The following ACVR1 variants were observed in gnomAD, a reference collection of about 807,000 sequenced individuals.
The protein encoded by ACVR1 is activin receptor type-1.
Under a neutral mutation model 57.1 loss-of-function variants are expected in ACVR1, and 38 were observed. The ratio of observed to expected loss-of-function variants is 0.67; its 90% CI spans 0.51 to 0.87. The LOEUF is 0.87. Ranked by LOEUF, ACVR1 falls within the 40% of genes least tolerant of loss-of-function variation. ACVR1 has a pLI of 0.00. For synonymous variants in ACVR1, 212 were observed against 228.1 expected (o/e 0.93, Z 0.63); for missense variants, 463 against 638.2 (o/e 0.73, Z 2.96).
chr2:157,859,190 TA>T (rs1160483034), intron 1 of ACVR1, among the ~76,000 whole-genome samples: 1 of 152,062 alleles, frequency 6.6e-6, no homozygotes, highest in Non-Finnish European at 1.5e-5. Flanking sequence ...ACCTCACTGA[TA>T]AAACAGGTTG....
In ACVR1 at chr2:157,855,279, T is replaced by A. The variant is rs1464374448; in HGVS notation, c.-183+20517A>T. 8.7e-4 allele frequency among the ~76,000 whole-genome samples: 44 copies of A among 50,524 alleles called. No homozygotes were observed. The South Asian group carries it at 0.014, about 16-fold the overall frequency. The allele number at this position is 50,524 out of a possible 152,430, so 33.1% of individuals were successfully genotyped here. On this transcript the variant is annotated intron_variant, in intron 1 of 10. Transcript: ENST00000434821. ...AAAAAAAAAAAAAAAAGTGTGTGTGTGTGTGTGTGTGTGTGTGTGTGTGTG... is the reference window on the plus strand; with the variant it reads ...AAAAAAAAAAAAAAAAGTGTGTGTGAGTGTGTGTGTGTGTGTGTGTGTGTG...
Position 157,737,608 on chromosome 2 carries a change from T to G in ACVR1, c.1453A>C (p.Arg485=), listed in dbSNP as rs753003651. 3 of 1,614,044 alleles carry G rather than the reference T, an allele frequency of 1.9e-6. No individual in the cohort carries two copies. The East Asian group carries it at 6.7e-5, about 36-fold the overall frequency. Residue 485 remains arginine, a synonymous_variant, in exon 11 of 11, where the codon AGA becomes CGA. Coordinates refer to ENST00000434821, the MANE Select transcript of ACVR1 (RefSeq NM_001111067.4). ...KECWYQNPSA[R]LTALRIKKTL... ...TTTTTGATACGCAGTGCTGTGAGTC[T>G]TGCGGATGGATTTTGATACCAGCAT...
intron 2 of ACVR1, among the ~76,000 whole-genome samples, chr2:157,813,017 A>G (rs1413709235): frequency 6.6e-6 from 1 of 152,190 alleles, no homozygotes; most frequent in Non-Finnish European, 1.5e-5. Context: ...TTCACTAATG[A>G]AGTCTATACA....
rs184484739 is a variant in ACVR1, at chr2:157,850,550, G to A, written c.-183+25246C>T. Among the ~76,000 whole-genome samples, 449 of 152,230 alleles carry A rather than the reference G, an allele frequency of 2.9e-3. 2 individuals are homozygous for A. Among genetic ancestry groups the A allele is most frequent in the African/African-American group, 0.01 (417 of 41,526 alleles). The stretch of plus-strand genomic sequence containing the variant: ...AAGATTAACCCAGTTTCCTTTTCTC[G>A]TTAAGATTCCTAAGCTGGCAGTTCA... On this transcript the variant is annotated intron_variant, in intron 1 of 10. Transcript: ENST00000434821.
chr2:157,867,885 G>A (rs1689992878), intron 1 of ACVR1, among the ~76,000 whole-genome samples: 1 of 152,038 alleles, frequency 6.6e-6, no homozygotes, highest in South Asian at 2.1e-4. Context: ...TATAAAATGG[G>A]CATTAGAGCA....
At chr2:157,781,276 T>G (rs1474850613) in intron 3 of ACVR1, among the ~76,000 whole-genome samples, 1 of 152,228 alleles carries the variant, frequency 6.6e-6, no homozygotes, top group Admixed American at 6.5e-5. Context: ...AATGAGCATT[T>G]CTATTGAGCA....
chr2:157,784,876 G>A (rs1686658904), intron 3 of ACVR1, among the ~76,000 whole-genome samples: 1 of 152,186 alleles, frequency 6.6e-6, no homozygotes, highest in African/African-American at 2.4e-5. Flanking sequence ...GAACATCGTG[G>A]ACTTTTAAAA....
At chr2:157,800,946 A>G (rs1687302527) in intron 2 of ACVR1, among the ~76,000 whole-genome samples, 1 of 151,970 alleles carries the variant, frequency 6.6e-6, no homozygotes, top group South Asian at 2.1e-4. Flanking sequence ...TTCCGGCTCA[A>G]AGGTAAGCCC....
chr2:157,816,906 A>G (rs902406607), intron 2 of ACVR1, among the ~76,000 whole-genome samples: 1 of 152,096 alleles, frequency 6.6e-6, no homozygotes, highest in African/African-American at 2.4e-5. Flanking sequence ...GTAGGTATTC[A>G]TATTACCCCC....
chr2:157,794,885 CAA>C (rs34984648), intron 3 of ACVR1, among the ~76,000 whole-genome samples: 3 of 138,798 alleles, frequency 2.2e-5, no homozygotes, highest in African/African-American at 5.3e-5. Flanking sequence ...CAAACTCTAC[CAA>C]AAAAAAAAAA....
intron 9 of ACVR1, among the ~76,000 whole-genome samples, chr2:157,757,763 T>C (rs1685490554): frequency 6.6e-6 from 1 of 151,914 alleles, no homozygotes; most frequent in African/African-American, 2.4e-5. Flanking sequence ...GGAAATGCTA[T>C]ATCTGGGTGA....
At chr2:157,858,360 A>G (rs776668413) in intron 1 of ACVR1, among the ~76,000 whole-genome samples, 2 of 151,930 alleles carry the variant, frequency 1.3e-5, no homozygotes, top group Non-Finnish European at 2.9e-5. Context: ...TCTCTCAGGA[A>G]ATTCTGATCC....
At chr2:157,792,980 C>T (rs1686977055) in intron 3 of ACVR1, among the ~76,000 whole-genome samples, 1 of 152,156 alleles carries the variant, frequency 6.6e-6, no homozygotes, top group Admixed American at 6.5e-5. Flanking sequence ...TCATCCCGGG[C>T]TGCAGAGGAA....
intron 9 of ACVR1, among the ~76,000 whole-genome samples, chr2:157,748,754 A>C (rs529983116): frequency 1.3e-5 from 2 of 152,328 alleles, no homozygotes; most frequent in East Asian, 1.9e-4. Flanking sequence ...TATTAGGAAA[A>C]AAAACCACCT....
At chr2:157,867,849 CCTCT>C (rs1313394036) in intron 1 of ACVR1, among the ~76,000 whole-genome samples, 1 of 152,106 alleles carries the variant, frequency 6.6e-6, no homozygotes, top group African/African-American at 2.4e-5. Context: ...ATTCATATCA[CCTCT>C]CTATGCCTCA....
At chr2:157,738,713 T>A in intron 9 of ACVR1, 143 bp from the exon 10 acceptor site, 1 of 1,229,538 alleles carries the variant, frequency 8.1e-7, no homozygotes, top group Non-Finnish European at 1.2e-6. Flanking sequence ...TCCTGGAAGC[T>A]AGAGGTAGGT....
intron 1 of ACVR1, among the ~76,000 whole-genome samples, chr2:157,838,911 C>A (rs111600514): frequency 6.6e-6 from 1 of 152,168 alleles, no homozygotes; most frequent in Non-Finnish European, 1.5e-5. Context: ...AGGTGTCAAG[C>A]AATCCATCCT....
intron 9 of ACVR1, among the ~76,000 whole-genome samples, chr2:157,759,820 C>T (rs1334312402): frequency 6.6e-6 from 1 of 152,046 alleles, no homozygotes; most frequent in African/African-American, 2.4e-5. Flanking sequence ...TACATCACAT[C>T]AACAGAATCA....
chr2:157,828,140 C>T (rs893874128), intron 1 of ACVR1, among the ~76,000 whole-genome samples: 6 of 151,892 alleles, frequency 4.0e-5, no homozygotes, highest in Admixed American at 3.3e-4. Flanking sequence ...CATGGCAAAA[C>T]CTCGTCTCTA....
Sources: gnomAD v4.1 joint callset for allele counts (sites outside exome capture counted in the v4.1 genomes callset) on GRCh38, gnomAD v4.1.1 for gene constraint, MANE v1.5 for transcripts, NCBI Gene and HGNC (gene_info 2026-07-23, HGNC 2026-07-21) for gene names.